The following AVPR1B variants were observed in gnomAD, a reference collection of about 807,000 sequenced individuals.
AVPR1B encodes the protein vasopressin V1b receptor.
In AVPR1B, 25 loss-of-function variants were observed where a neutral mutation model predicts 27.5. The observed-to-expected ratio is 0.91, with a 90% CI of 0.66 to 1.27. AVPR1B has a LOEUF of 1.27. Ranked by LOEUF, AVPR1B falls within the 50% of genes most tolerant of loss-of-function variation. The pLI is 0.00. For missense variants in AVPR1B, 595 were observed against 556.9 expected (o/e 1.07, Z -0.69); for synonymous variants, 248 against 240.2 (o/e 1.03, Z -0.30).
Position 206,116,249 on chromosome 1 carries a change from C to T in AVPR1B, c.642G>A (p.Met214Ile), listed in dbSNP as rs782179665. The change falls in exon 1 of 2, where the codon ATG becomes ATA. Residue 214 changes from methionine to isoleucine, a missense_variant. Transcript: ENST00000367126. ...TLAIFVLPVT[M>I]LTACYSLICH... ...AGATGAGGCTGTAGCAGGCCGTGAGCATGGTCACCGGCAGAACGAAGATAG... is the reference window on the plus strand; with the variant it reads ...AGATGAGGCTGTAGCAGGCCGTGAGTATGGTCACCGGCAGAACGAAGATAG... 1.4e-5 allele frequency: 23 copies of T among 1,613,586 alleles called. No individual in the cohort carries two copies. Among genetic ancestry groups the T allele is most frequent in the Non-Finnish European group, 1.9e-5 (23 of 1,180,036 alleles).
rs782629760 is a variant in AVPR1B at position 206,116,649 on chromosome 1, A to T, written c.242T>A (p.Leu81Gln). The change falls in exon 1 of 2, where the codon CTG becomes CAG. Residue 81 changes from leucine (L) to glutamine (Q), a missense_variant. Leu to Gln is a moderately radical substitution (Grantham distance 113). Transcript: ENST00000367126. ...CAGCACCTGGAAGAGCGCCACGGCC[A>T]GGTCTGTCAGGGCTAAGTGCAGCAC... ...LFVLHLALTDLAVALFQVLPQ... is the reference protein window; with the variant it reads ...LFVLHLALTDQAVALFQVLPQ... The T allele has an allele frequency of 6.2e-7, 1 of 1,612,856 alleles. No homozygotes were observed. Among genetic ancestry groups the T allele is most frequent in the Non-Finnish European group, 8.5e-7 (1 of 1,179,448 alleles).
Position 206,116,688 on chromosome 1 carries a change from C to T in AVPR1B, c.203G>A (p.Arg68His), listed in dbSNP as rs781878807. ...TAAGTGCAGCACGAACAGGTGCATG[C>T]GGGAGCGCTTGCGGCCCAGCTGGCC... ...TLGQLGRKRS[R>H]MHLFVLHLAL... Residue 68 changes from arginine to histidine, a missense_variant, in exon 1 of 2, where the codon CGC becomes CAC. Physicochemically the swap from Arg to His is conservative, Grantham distance 29 (BLOSUM62 0). Coordinates refer to ENST00000367126, the MANE Select transcript of AVPR1B (RefSeq NM_000707.5). The T allele has an allele frequency of 5.6e-6, 9 of 1,608,792 alleles. No homozygotes were observed. The highest frequency in any genetic ancestry group is 2.2e-5 in the East Asian group (1 of 44,808).
intron 1 of AVPR1B, among the ~76,000 whole-genome samples, chr1:206,112,099 G>A (rs34327164): frequency 0.14 from 20,733 of 152,122 alleles, 1,585 homozygotes; most frequent in South Asian, 0.21. Flanking sequence ...GGAGGCTGAG[G>A]CGGGAGAATC....
intron 1 of AVPR1B, among the ~76,000 whole-genome samples, chr1:206,113,699 A>G (rs1244737022): frequency 6.6e-6 from 1 of 152,242 alleles, no homozygotes; most frequent in East Asian, 1.9e-4. Flanking sequence ...GCCACTGGCT[A>G]TGCCACAATG....
In AVPR1B at chr1:206,110,031, C is replaced by A; in HGVS notation, c.*158G>T. On this transcript the variant is annotated 3_prime_UTR_variant, in exon 2 of 2. Transcript: ENST00000367126. ...GCCCTCACACTAGGGGCAGCTGTGACACCAGGGTAGGGGACCCATTCTGGC... is the reference window on the plus strand; with the variant it reads ...GCCCTCACACTAGGGGCAGCTGTGAAACCAGGGTAGGGGACCCATTCTGGC... The A allele has an allele frequency of 1.2e-6, 1 of 804,302 alleles. No homozygotes were observed. The highest frequency in any genetic ancestry group is 1.9e-6 in the Non-Finnish European group (1 of 518,072). 49.8% of individuals were successfully genotyped at this position (804,302 alleles called of 1,614,324 possible).
chr1:206,112,083 T>C (rs1220735359), intron 1 of AVPR1B, among the ~76,000 whole-genome samples: 3 of 152,126 alleles, frequency 2.0e-5, no homozygotes, highest in Non-Finnish European at 1.5e-5. Context: ...TAGTCCCAGC[T>C]ACTTGGGAGG....
Position 206,116,112 on chromosome 1 carries a change from C to T in AVPR1B, c.779G>A (p.Arg260Gln), listed in dbSNP as rs782209731. ...GCTGCTGACCCGAGATGGCAGCCCC[C>T]GAGTGGTGGCAGCTAAGGTGGAAGG... ...PSPSTLAATT[R>Q]GLPSRVSSIN... The change falls in exon 1 of 2, where the codon CGG becomes CAG. Residue 260 changes from arginine to glutamine, a missense_variant. Arg to Gln is a conservative substitution (Grantham distance 43). Transcript: ENST00000367126. 7.7e-5 allele frequency: 124 copies of T among 1,614,100 alleles called. No individual in the cohort carries two copies. The highest frequency in any genetic ancestry group is 1.0e-4 in the Non-Finnish European group (122 of 1,180,052).
At chr1:206,113,063 T>C (rs1363438381) in intron 1 of AVPR1B, among the ~76,000 whole-genome samples, 3 of 152,210 alleles carry the variant, frequency 2.0e-5, no homozygotes, top group African/African-American at 7.2e-5. Context: ...GTGCATTTAG[T>C]GTCCAGATTA....
In AVPR1B at chr1:206,116,098, G is replaced by A. The variant is rs199633176; in HGVS notation, c.793C>T (p.Arg265Trp). ...LAATTRGLPS[R>W]VSSINTISRA... ...GAGATGGTGTTGATGCTGCTGACCC[G>A]AGATGGCAGCCCCCGAGTGGTGGCA... The change falls in exon 1 of 2, where the codon CGG (arginine) becomes TGG (tryptophan). Residue 265 changes from arginine (R) to tryptophan (W), a missense_variant. By Grantham distance (101) the Arg-to-Trp change is moderately radical. Coordinates refer to ENST00000367126, the MANE Select transcript of AVPR1B (RefSeq NM_000707.5). 30 of 1,614,248 alleles carry A rather than the reference G, an allele frequency of 1.9e-5. 1 individual carries two copies. In the South Asian group the frequency reaches 2.2e-4, roughly 12 times the overall value.
chr1:206,110,544 G>A (rs1455565307), intron 1 of AVPR1B, 21 bp from the exon 2 acceptor site: 1 of 1,580,860 alleles, frequency 6.3e-7, no homozygotes, highest in Non-Finnish European at 8.6e-7. Context: ...AGAAGCATGA[G>A]AAGCCTCAGA....
chr1:206,110,552 A>C lies in AVPR1B; in HGVS notation c.941-29T>G, dbSNP rs782355580. The C allele has an allele frequency of 7.0e-6, 11 of 1,568,342 alleles. 1 individual carries two copies. In the South Asian group the frequency reaches 1.1e-4, roughly 15 times the overall value. On this transcript the variant is annotated intron_variant, in intron 1 of 1. Transcript: ENST00000367126. Reference sequence around the variant, plus strand: ...CCAAGAGAGAAGCATGAGAAGCCTCAGAATGGCAGCTCGAAGGGACCTGGG... The same window carrying C: ...CCAAGAGAGAAGCATGAGAAGCCTCCGAATGGCAGCTCGAAGGGACCTGGG...
intron 1 of AVPR1B, among the ~76,000 whole-genome samples, chr1:206,115,448 G>A (rs1663447489): frequency 6.6e-6 from 1 of 152,188 alleles, no homozygotes; most frequent in South Asian, 2.1e-4. Context: ...TCCTCTCTGA[G>A]CCTCTGTTTC....
In AVPR1B at chr1:206,107,875, CA is replaced by C. The variant is rs1465917056; in HGVS notation, c.*2313del. ...TGTTGAGTGCTCTATCTCTAGTCTA[CA>C]ATCTTACAAATCCCTCCCAACAAAG... On this transcript the variant is annotated 3_prime_UTR_variant, in exon 2 of 2. Transcript: ENST00000367126. Among the ~76,000 whole-genome samples the C allele has an allele frequency of 1.3e-5, 2 of 152,198 alleles. No individual in the cohort carries two copies. The highest frequency in any genetic ancestry group is 4.8e-5 in the African/African-American group (2 of 41,452).
In AVPR1B at chr1:206,109,026, C is replaced by A. The variant is rs1663325633; in HGVS notation, c.*1163G>T. On this transcript the variant is annotated 3_prime_UTR_variant, in exon 2 of 2. Coordinates refer to ENST00000367126, the MANE Select transcript of AVPR1B (RefSeq NM_000707.5). ...TTCTAGACCCTGTTGGTTATAATAT[C>A]CTTTGTGTTTCTCTGTAACACCATT... is the stretch of plus-strand genomic sequence containing the variant. Among the ~76,000 whole-genome samples the A allele has an allele frequency of 6.6e-6, 1 of 152,218 alleles. No homozygotes were observed. The highest frequency in any genetic ancestry group is 1.5e-5 in the Non-Finnish European group (1 of 68,044).
At chr1:206,110,642 G>A (rs1365731800) in intron 1 of AVPR1B, 119 bp from the exon 2 acceptor site, 1 of 816,226 alleles carries the variant, frequency 1.2e-6, no homozygotes, top group Non-Finnish European at 1.9e-6. Flanking sequence ...GGGGAAAGGA[G>A]TCACTCAGTG....
chr1:206,116,688 C>A lies in AVPR1B; in HGVS notation c.203G>T (p.Arg68Leu). 1 of 1,608,910 alleles carries A rather than the reference C, an allele frequency of 6.2e-7. No individual in the cohort carries two copies. Among genetic ancestry groups the A allele is most frequent in the Non-Finnish European group, 8.5e-7 (1 of 1,177,118 alleles). The change falls in exon 1 of 2, where the codon CGC becomes CTC. Residue 68 changes from arginine to leucine, a missense_variant. Physicochemically the swap from Arg to Leu is moderately radical, Grantham distance 102 (BLOSUM62 -2). Transcript: ENST00000367126. ...TLGQLGRKRS[R>L]MHLFVLHLAL... ...TAAGTGCAGCACGAACAGGTGCATGCGGGAGCGCTTGCGGCCCAGCTGGCC... is the reference window on the plus strand; with the variant it reads ...TAAGTGCAGCACGAACAGGTGCATGAGGGAGCGCTTGCGGCCCAGCTGGCC...
chr1:206,113,199 C>T (rs1431636561), intron 1 of AVPR1B, among the ~76,000 whole-genome samples: 1 of 152,148 alleles, frequency 6.6e-6, no homozygotes, highest in South Asian at 2.1e-4. Flanking sequence ...AGAGCAGGTG[C>T]CAGAGGCAGT....
At position 206,110,328 on chromosome 1, in the gene AVPR1B, A is replaced by C. The variant is rs782104432; in HGVS notation, c.1136T>G (p.Leu379Arg). The C allele has an allele frequency of 1.9e-6, 3 of 1,613,202 alleles. No homozygotes were observed. In the East Asian group the frequency reaches 6.7e-5, roughly 36 times the overall value. The change falls in exon 2 of 2, where the codon CTG becomes CGG. Residue 379 changes from leucine (L) to arginine (R), a missense_variant. By Grantham distance (102) the Leu-to-Arg change is moderately radical (BLOSUM62 -2). Transcript: ENST00000367126. ...DGSLSSRHTT[L>R]LTRSSCPATL... is the part of the protein sequence containing the mutation. ...GGCCGGGCAGCTGGAGCGGGTCAGCAGCGTGGTGTGGCGGCTCGAGAGGCT... is the reference window on the plus strand; with the variant it reads ...GGCCGGGCAGCTGGAGCGGGTCAGCCGCGTGGTGTGGCGGCTCGAGAGGCT...
At position 206,116,782 on chromosome 1, in the gene AVPR1B, C is replaced by G. The variant is rs781999543; in HGVS notation, c.109G>C (p.Glu37Gln). Residue 37 changes from glutamate to glutamine, a missense_variant, in exon 1 of 2, where the codon GAG becomes CAG. Coordinates refer to ENST00000367126, the MANE Select transcript of AVPR1B (RefSeq NM_000707.5). ...AGGACAGTGGCCAGGACTCCGATCT[C>G]CACCTTGGCCAGCTCCTCATCCCGG... ...LGRDEELAKV[E>Q]IGVLATVLVL... 6.2e-7 allele frequency: 1 copy of G among 1,613,790 alleles called. No individual in the cohort carries two copies. The highest frequency in any genetic ancestry group is 1.1e-5 in the South Asian group (1 of 91,034).
Sources: gnomAD v4.1 joint callset for allele counts (sites outside exome capture counted in the v4.1 genomes callset) on GRCh38, gnomAD v4.1.1 for gene constraint, MANE v1.5 for transcripts, NCBI Gene and HGNC (gene_info 2026-07-23, HGNC 2026-07-21) for gene names.